NKAIN2: variants seen among roughly 807,000 people sequenced by gnomAD.
NKAIN2 encodes sodium/potassium-transporting ATPase subunit beta-1-interacting protein 2.
A neutral mutation model predicts 32.6 loss-of-function variants in NKAIN2; 14 were observed. That is an observed-to-expected ratio of 0.43 (90% CI 0.28 to 0.67). The LOEUF (loss-of-function observed/expected upper bound fraction) is 0.67, where lower values mean the gene tolerates loss of function less well. Among genes scored for constraint, NKAIN2 ranks in the 30% least tolerant of loss-of-function variants. The probability of loss-of-function intolerance (pLI) is 0.17; values close to 1 mark genes in which losing one functional copy is unlikely to be tolerated. For missense variants in NKAIN2, 198 were observed against 258.3 expected, an observed-to-expected ratio of 0.77 and a Z score of 1.60; for synonymous variants, 80 against 87.2, an observed-to-expected ratio of 0.92 and a Z score of 0.46.
chr6:124,791,300 C>T (rs1779731360), intron 4 of NKAIN2, 39 bp from the exon 5 acceptor site: 2 of 1,534,996 alleles, frequency 1.3e-6, no homozygotes, highest in East Asian at 2.3e-5. Flanking sequence ...GGTGTTGGTG[C>T]CTTTTTCTGA....
At chr6:124,486,667 T>C (rs1294037951) in intron 3 of NKAIN2, among the ~76,000 whole-genome samples, 1 of 152,178 alleles carries the variant, frequency 6.6e-6, no homozygotes, top group African/African-American at 2.4e-5. Flanking sequence ...TTTGAAAGGA[T>C]TTGGGAAGCT....
intron 1 of NKAIN2, among the ~76,000 whole-genome samples, chr6:123,833,693 G>C (rs1774482982): frequency 7.6e-6 from 1 of 130,790 alleles, no homozygotes; most frequent in South Asian, 2.3e-4. Flanking sequence ...TTTTTTTCCT[G>C]TGTGTGTGTG....
At chr6:124,445,968 A>G (rs889121583) in intron 3 of NKAIN2, among the ~76,000 whole-genome samples, 2 of 152,050 alleles carry the variant, frequency 1.3e-5, no homozygotes, top group African/African-American at 4.8e-5. Flanking sequence ...AAACAAAGTC[A>G]TTTTCATTCA....
At chr6:124,101,517 G>T (rs1439108384) in intron 1 of NKAIN2, among the ~76,000 whole-genome samples, 2 of 151,972 alleles carry the variant, frequency 1.3e-5, no homozygotes, top group South Asian at 2.1e-4. Context: ...ATTTTTTTAG[G>T]AGTATCATTT....
intron 1 of NKAIN2, among the ~76,000 whole-genome samples, chr6:123,979,882 T>G (rs1381143621): frequency 6.6e-6 from 1 of 152,102 alleles, no homozygotes; most frequent in Non-Finnish European, 1.5e-5. Context: ...CTACCTTGTT[T>G]TTTTCTCTCT....
intron 1 of NKAIN2, among the ~76,000 whole-genome samples, chr6:124,271,091 GTTTT>G (rs911964019): frequency 6.6e-6 from 1 of 152,132 alleles, no homozygotes; most frequent in Non-Finnish European, 1.5e-5. Context: ...ATAAGTGGCA[GTTTT>G]TTTCTTTCTC....
At chr6:123,878,387 A>C (rs1308951088) in intron 1 of NKAIN2, among the ~76,000 whole-genome samples, 1 of 152,030 alleles carries the variant, frequency 6.6e-6, no homozygotes, top group Non-Finnish European at 1.5e-5. Context: ...CTATTCTATT[A>C]TTTTTTAAAG....
At chr6:124,628,893 A>G (rs2114297051) in intron 3 of NKAIN2, among the ~76,000 whole-genome samples, 1 of 152,298 alleles carries the variant, frequency 6.6e-6, no homozygotes, top group Admixed American at 6.5e-5. Flanking sequence ...ATATTACTAC[A>G]AAAAAGATAT....
intron 2 of NKAIN2, among the ~76,000 whole-genome samples, chr6:124,347,580 T>TCATTTCATC (rs1798493266): frequency 6.6e-6 from 1 of 152,214 alleles, no homozygotes; most frequent in Non-Finnish European, 1.5e-5. Flanking sequence ...TTCATTTCAT[T>TCATTTCATC]CATTTCATCT....
intron 1 of NKAIN2, among the ~76,000 whole-genome samples, chr6:124,113,587 C>T (rs1308149735): frequency 2.0e-5 from 3 of 152,136 alleles, no homozygotes; most frequent in African/African-American, 4.8e-5. Context: ...TCAAGGCTAG[C>T]AAGGCAAAGG....
At chr6:124,035,888 G>T (rs561951786) in intron 1 of NKAIN2, among the ~76,000 whole-genome samples, 1 of 152,206 alleles carries the variant, frequency 6.6e-6, no homozygotes, top group South Asian at 2.1e-4. Flanking sequence ...GGCAGAAAGG[G>T]CAGGTCAAGT....
chr6:124,021,237 A>C (rs1428823241), intron 1 of NKAIN2, among the ~76,000 whole-genome samples: 1 of 152,098 alleles, frequency 6.6e-6, no homozygotes, highest in Non-Finnish European at 1.5e-5. Flanking sequence ...ACACACGTAC[A>C]CACACGTAAC....
At chr6:124,265,454 C>T (rs914935653) in intron 1 of NKAIN2, among the ~76,000 whole-genome samples, 1 of 151,984 alleles carries the variant, frequency 6.6e-6, no homozygotes, top group Non-Finnish European at 1.5e-5. Context: ...TAAAATATAC[C>T]AATTTTAAAG....
At chr6:124,700,444 T>C (rs947877807) in intron 4 of NKAIN2, among the ~76,000 whole-genome samples, 1 of 152,188 alleles carries the variant, frequency 6.6e-6, no homozygotes, top group African/African-American at 2.4e-5. Context: ...AAGTTTATTA[T>C]AGTCACAGTT....
intron 3 of NKAIN2, among the ~76,000 whole-genome samples, chr6:124,494,997 T>C (rs1273874353): frequency 1.3e-5 from 2 of 152,154 alleles, no homozygotes; most frequent in Non-Finnish European, 2.9e-5. Context: ...ATTAATATTC[T>C]ACAGTCATTG....
At chr6:124,600,583 T>C (rs934386502) in intron 3 of NKAIN2, among the ~76,000 whole-genome samples, 14 of 152,086 alleles carry the variant, frequency 9.2e-5, no homozygotes, top group African/African-American at 3.4e-4. Context: ...TATTTCAGTA[T>C]TGGAGGAATC....
chr6:124,442,673 G>A lies in NKAIN2; in HGVS notation c.273+87326G>A, dbSNP rs377455307. ...TCTGATAGACACTAGATTATAATGG[G>A]TAGTTCTGACATAGTGACCTCTACC... On this transcript the variant is annotated intron_variant, in intron 3 of 6. Transcript: ENST00000368417. 6.6e-5 allele frequency among the ~76,000 whole-genome samples: 10 copies of A among 152,158 alleles called. No homozygotes were observed. In the East Asian group the frequency reaches 1.4e-3, roughly 21 times the overall value.
chr6:124,817,932 T>C (rs1295477693), intron 5 of NKAIN2, among the ~76,000 whole-genome samples: 1 of 152,178 alleles, frequency 6.6e-6, no homozygotes, highest in African/African-American at 2.4e-5. Flanking sequence ...TTGGTAACCA[T>C]AACATGTAAT....
chr6:124,120,822 G>C (rs1785842709), intron 1 of NKAIN2, among the ~76,000 whole-genome samples: 1 of 152,056 alleles, frequency 6.6e-6, no homozygotes, highest in African/African-American at 2.4e-5. Flanking sequence ...TGGAACATAT[G>C]GCTGGCTAAT....
Sources: allele counts gnomAD v4.1 joint callset (sites outside exome capture counted in the v4.1 genomes callset), GRCh38; gene constraint gnomAD v4.1.1; transcripts MANE v1.5; gene names NCBI Gene and HGNC (gene_info 2026-07-23, HGNC 2026-07-21).